GSE1: variants seen among roughly 807,000 people sequenced by gnomAD.
The protein encoded by GSE1 is genetic suppressor element 1.
Under a neutral mutation model 112.6 loss-of-function variants are expected in GSE1, and 32 were observed. The ratio of observed to expected loss-of-function variants is 0.28; its 90% CI spans 0.21 to 0.38. GSE1 has a LOEUF of 0.38. Among genes scored for constraint, GSE1 ranks in the 10% least tolerant of loss-of-function variants. The probability of loss-of-function intolerance (pLI) is 1.00; values close to 1 mark genes in which losing one functional copy is unlikely to be tolerated. For missense variants in GSE1, 2,348 were observed against 1,699.2 expected (o/e 1.38, Z -6.71); for synonymous variants, 1,115 against 735.6 (o/e 1.52, Z -8.35).
At chr16:85,334,361 C>T (rs2046438322) in intron 1 of GSE1, among the ~76,000 whole-genome samples, 1 of 152,214 alleles carries the variant, frequency 6.6e-6, no homozygotes, top group Non-Finnish European at 1.5e-5. Flanking sequence ...TGAGTTTGGA[C>T]AGGGCCTGCA....
At chr16:85,208,770 G>GTGGGGTTCGCCGCGTGT (rs1567611473) in intron 1 of GSE1, among the ~76,000 whole-genome samples, 1 of 151,438 alleles carries the variant, frequency 6.6e-6, no homozygotes, top group Non-Finnish European at 1.5e-5. Flanking sequence ...GGGGGTGGGG[G>GTGGGGTTCGCCGCGTGT]TGGGGTTCGC....
chr16:85,409,641 CCCCCTGGATAATCCTCACCG>C (rs2048441859), intron 2 of GSE1, among the ~76,000 whole-genome samples: 1 of 9,368 alleles, frequency 1.1e-4, no homozygotes, highest in African/African-American at 1.4e-4. Flanking sequence ...CACTCAGGGC[CCCCCTGGATAATCCTCACCG>C]TTACACTCAG....
chr16:85,501,001 T>TTTTTTTTG, intron 2 of GSE1, among the ~76,000 whole-genome samples: 2 of 125,702 alleles, frequency 1.6e-5, no homozygotes, highest in African/African-American at 6.7e-5. Flanking sequence ...CTGTTCTGTT[T>TTTTTTTTG]TTTTTTTTTT....
upstream of GSE1, among the ~76,000 whole-genome samples, chr16:85,552,739 AG>A (rs1430895934): frequency 1.3e-5 from 2 of 152,188 alleles, no homozygotes; most frequent in East Asian, 3.9e-4. Context: ...GGCTCCCAGG[AG>A]GCAAGCTTCT....
intron 1 of GSE1, among the ~76,000 whole-genome samples, chr16:85,250,687 A>T (rs960103705): frequency 1.3e-5 from 2 of 152,230 alleles, no homozygotes; most frequent in African/African-American, 4.8e-5. Context: ...TTCACATATC[A>T]TGCAAGCCAC....
At chr16:85,247,771 G>C (rs1229192571) in intron 1 of GSE1, among the ~76,000 whole-genome samples, 2 of 152,242 alleles carry the variant, frequency 1.3e-5, no homozygotes, top group Non-Finnish European at 2.9e-5. Flanking sequence ...AACGCGGGGA[G>C]GGAGGGGCTG....
intron 1 of GSE1, among the ~76,000 whole-genome samples, chr16:85,223,135 A>C (rs1379385039): frequency 6.6e-6 from 1 of 152,170 alleles, no homozygotes; most frequent in Non-Finnish European, 1.5e-5. Flanking sequence ...GGCAGAAAAA[A>C]GTCTTCAAGC....
At chr16:85,185,705 G>A (rs2074685861) in intron 1 of GSE1, among the ~76,000 whole-genome samples, 1 of 152,242 alleles carries the variant, frequency 6.6e-6, no homozygotes, top group African/African-American at 2.4e-5. Context: ...GTCTGTGTGG[G>A]CTTTTGGGAG....
intron 2 of GSE1, among the ~76,000 whole-genome samples, chr16:85,479,294 A>G (rs1296697316): frequency 6.9e-6 from 1 of 145,434 alleles, no homozygotes; most frequent in Non-Finnish European, 1.5e-5. Context: ...GGCCTCCCAA[A>G]GTGCTAGGAT....
At chr16:85,497,197 C>T (rs943309135) in intron 2 of GSE1, among the ~76,000 whole-genome samples, 5 of 152,250 alleles carry the variant, frequency 3.3e-5, no homozygotes, top group Admixed American at 6.5e-5. Context: ...CCATGCCTGG[C>T]CCTGATCTGG....
rs1002667914 is a variant in GSE1 at position 85,398,600 on chromosome 16, C to T, written c.2464+40957C>T. 2.6e-5 allele frequency among the ~76,000 whole-genome samples: 4 copies of T among 152,162 alleles called. 1 individual carries two copies. The highest frequency in any genetic ancestry group is 9.7e-5 in the African/African-American group (4 of 41,412). On this transcript the variant is annotated intron_variant, in intron 2 of 2. Transcript: ENST00000637419. The stretch of plus-strand genomic sequence containing the variant: ...TGGCCAAATAATGATGATGTTCCCG[C>T]ATAATCCGACAAACCGCTGCATGAC...
intron 2 of GSE1, among the ~76,000 whole-genome samples, chr16:85,408,800 C>G (rs1280794179): frequency 1.5e-5 from 1 of 64,980 alleles, no homozygotes; most frequent in Non-Finnish European, 3.1e-5. Flanking sequence ...ATAATCCTCA[C>G]CGTTGCACTC....
chr16:85,386,024 G>A (rs551841443), intron 2 of GSE1, among the ~76,000 whole-genome samples: 62 of 152,312 alleles, frequency 4.1e-4, no homozygotes, highest in African/African-American at 1.4e-3. Context: ...ATCACTCTGC[G>A]GGGCTGTCTG....
intron 1 of GSE1, among the ~76,000 whole-genome samples, chr16:85,178,225 T>A (rs1201350559): frequency 6.6e-6 from 1 of 152,128 alleles, no homozygotes; most frequent in Non-Finnish European, 1.5e-5. Context: ...AGGTGACATC[T>A]AAGCTGAGTC....
In GSE1 at chr16:85,215,501, T is replaced by C. The variant is rs937988887; in HGVS notation, c.2283+43694T>C. ...GCACTGAAATTTCAGAATTCACCAC[T>C]GTATAACTCATTCATGCAACAAAAA... is the stretch of plus-strand genomic sequence containing the variant. On this transcript the variant is annotated intron_variant, in intron 1 of 2. Coordinates refer to the GSE1 transcript ENST00000637419. Among the ~76,000 whole-genome samples, 3 of 152,190 alleles carry C rather than the reference T, an allele frequency of 2.0e-5. No homozygotes were observed. The East Asian group carries it at 5.8e-4, about 29-fold the overall frequency.
At chr16:85,643,937 A>G (rs1488449423) in intron 2 of GSE1, among the ~76,000 whole-genome samples, 1 of 151,834 alleles carries the variant, frequency 6.6e-6, no homozygotes, top group African/African-American at 2.4e-5. Flanking sequence ...TTTCGGCTCC[A>G]CAGCACAAAT....
At chr16:85,654,175 A>C in intron 3 of GSE1, 103 bp from the exon 4 acceptor site, 1 of 1,043,634 alleles carries the variant, frequency 9.6e-7, no homozygotes, top group Non-Finnish European at 1.4e-6. Flanking sequence ...CTAGAACATG[A>C]ACTAAATCTA....
At chr16:85,648,883 G>A (rs935350406) in intron 3 of GSE1, 132 bp downstream of exon 3, 37 of 535,300 alleles carry the variant, frequency 6.9e-5, no homozygotes, top group East Asian at 2.4e-4. Flanking sequence ...CTGAGTTTCC[G>A]TCTCCTTCTC....
chr16:85,626,340 C>T (rs866087423), intron 1 of GSE1, among the ~76,000 whole-genome samples: 4 of 152,210 alleles, frequency 2.6e-5, no homozygotes, highest in African/African-American at 7.2e-5. Flanking sequence ...ACGTGGTGCC[C>T]GTGCAGCCTC....
Sources: gnomAD v4.1 joint callset for allele counts (sites outside exome capture counted in the v4.1 genomes callset) on GRCh38, gnomAD v4.1.1 for gene constraint, MANE v1.5 for transcripts, NCBI Gene and HGNC (gene_info 2026-07-23, HGNC 2026-07-21) for gene names.